The following ATXN7L1 variants were observed in gnomAD, a reference collection of about 807,000 sequenced individuals.
ATXN7L1 encodes the protein ataxin 7 like 1.
Under a neutral mutation model 70.8 loss-of-function variants are expected in ATXN7L1, and 15 were observed. The observed-to-expected ratio is 0.21, with a 90% CI of 0.14 to 0.33. The LOEUF (loss-of-function observed/expected upper bound fraction) is 0.33. ATXN7L1 is among the 10% of genes least tolerant of loss of function. The pLI is 1.00. For synonymous variants in ATXN7L1, 440 were observed against 445.1 expected, an observed-to-expected ratio of 0.99 and a Z score of 0.14; for missense variants, 975 against 1,097.1, an observed-to-expected ratio of 0.89 and a Z score of 1.57.
At chr7:105,613,782 G>A (rs1793410104) in intron 10 of ATXN7L1, 80 bp downstream of exon 10, 11 of 1,547,702 alleles carry the variant, frequency 7.1e-6, no homozygotes, top group South Asian at 1.2e-5. Context: ...ACCTGTCGGA[G>A]CCGCCCGGCT....
intron 3 of ATXN7L1, among the ~76,000 whole-genome samples, chr7:105,708,142 G>C (rs1448529504): frequency 6.6e-6 from 1 of 152,174 alleles, no homozygotes; most frequent in Non-Finnish European, 1.5e-5. Flanking sequence ...GAAGAAGGAG[G>C]AGAAAACTCC....
intron 2 of ATXN7L1, among the ~76,000 whole-genome samples, chr7:105,855,561 T>C (rs1369390473): frequency 2.0e-5 from 3 of 152,222 alleles, no homozygotes; most frequent in Non-Finnish European, 4.4e-5. Flanking sequence ...CATCACATAC[T>C]ACAAATCAGG....
At chr7:105,652,300 T>A (rs1476956490) in intron 4 of ATXN7L1, among the ~76,000 whole-genome samples, 2 of 152,040 alleles carry the variant, frequency 1.3e-5, no homozygotes, top group Non-Finnish European at 2.9e-5. Context: ...CCTCTGCAAA[T>A]GAGAACGAAG....
At position 105,749,726 on chromosome 7, in the gene ATXN7L1, T is replaced by C. The variant is rs574114925; in HGVS notation, c.355+38878A>G. ...AAAGTAGTAGACAGCATTAGGTTGA[T>C]TTCATCTGGGCAGCACCAGATCACT... On this transcript the variant is annotated intron_variant, in intron 3 of 11. Transcript: ENST00000419735. Among the ~76,000 whole-genome samples, 18 of 133,740 alleles carry C rather than the reference T, an allele frequency of 1.3e-4. 1 individual carries two copies. The highest frequency in any genetic ancestry group is 3.6e-3 in the Middle Eastern group (1 of 278). The allele number at this position is 133,740 out of a possible 152,430, so 87.7% of individuals were successfully genotyped here.
chr7:105,622,591 T>C (rs763809807), intron 8 of ATXN7L1, among the ~76,000 whole-genome samples: 2 of 152,224 alleles, frequency 1.3e-5, no homozygotes, highest in Non-Finnish European at 2.9e-5. Context: ...TTCTGATATC[T>C]GACACAGAGC....
chr7:105,869,802 T>A (rs1817981256), intron 2 of ATXN7L1, among the ~76,000 whole-genome samples: 1 of 149,972 alleles, frequency 6.7e-6, no homozygotes, highest in Admixed American at 6.7e-5. Context: ...TATTCAGGAC[T>A]TTTTTTTTTC....
chr7:105,648,408 C>T (rs1046958418), intron 4 of ATXN7L1, among the ~76,000 whole-genome samples: 3 of 152,168 alleles, frequency 2.0e-5, no homozygotes, highest in African/African-American at 7.2e-5. Flanking sequence ...CATCCTCTTC[C>T]CCAGTATACA....
At chr7:105,658,525 T>A (rs1801050495) in intron 4 of ATXN7L1, among the ~76,000 whole-genome samples, 1 of 49,400 alleles carries the variant, frequency 2.0e-5, no homozygotes, top group Admixed American at 1.6e-4. Context: ...GCACATAACT[T>A]TTTTTTTTTT....
chr7:105,692,411 T>TTCCTTCCTTCCCTCCC (rs1281163461), intron 3 of ATXN7L1, among the ~76,000 whole-genome samples: 5 of 119,414 alleles, frequency 4.2e-5, no homozygotes, highest in African/African-American at 9.4e-5. Context: ...CCTTCCTTCC[T>TTCCTTCCTTCCCTCCC]TCCTTCCTTC....
chr7:105,741,902 C>T (rs577863710), intron 3 of ATXN7L1, among the ~76,000 whole-genome samples: 3 of 152,278 alleles, frequency 2.0e-5, no homozygotes, highest in South Asian at 4.1e-4. Flanking sequence ...TTCCAGCAAA[C>T]CACCAGAAGC....
chr7:105,856,082 C>G (rs212421), intron 2 of ATXN7L1, among the ~76,000 whole-genome samples: 94,786 of 152,016 alleles, frequency 0.62, 29,991 homozygotes, highest in Admixed American at 0.68. Context: ...AAGAAAGTCA[C>G]GTCACTAACA....
intron 2 of ATXN7L1, among the ~76,000 whole-genome samples, chr7:105,838,631 C>T (rs1392959148): frequency 6.6e-6 from 1 of 152,156 alleles, no homozygotes; most frequent in Non-Finnish European, 1.5e-5. Flanking sequence ...TGGATCAGCC[C>T]AGTATCCAAC....
chr7:105,866,766 T>C (rs1328974846), intron 2 of ATXN7L1, among the ~76,000 whole-genome samples: 1 of 152,180 alleles, frequency 6.6e-6, no homozygotes, highest in Non-Finnish European at 1.5e-5. Flanking sequence ...TCTGAAAAAG[T>C]AGAACCCACT....
intron 4 of ATXN7L1, among the ~76,000 whole-genome samples, chr7:105,661,497 T>C (rs996634016): frequency 2.0e-5 from 3 of 152,150 alleles, no homozygotes; most frequent in African/African-American, 4.8e-5. Flanking sequence ...AATTTCAAAA[T>C]ATTCAGGCTT....
intron 3 of ATXN7L1, among the ~76,000 whole-genome samples, chr7:105,778,712 G>A (rs2116458465): frequency 6.6e-6 from 1 of 152,242 alleles, no homozygotes; most frequent in South Asian, 2.1e-4. Context: ...GAGTCTCATG[G>A]ATCTGCTCAT....
chr7:105,645,291 A>C lies in ATXN7L1; in HGVS notation c.579-2170T>G, dbSNP rs372997263. 2.6e-5 allele frequency among the ~76,000 whole-genome samples: 4 copies of C among 152,358 alleles called. 1 individual carries two copies. Among genetic ancestry groups the C allele is most frequent in the African/African-American group, 9.6e-5 (4 of 41,586 alleles). ...TTTACCACAATTAAAAATGTTTTAC[A>C]TGTACAAACTAAAAAAAAATGCAAA... On this transcript the variant is annotated intron_variant, in intron 4 of 11. Coordinates refer to ENST00000419735, the MANE Select transcript of ATXN7L1 (RefSeq NM_020725.2).
intron 3 of ATXN7L1, among the ~76,000 whole-genome samples, chr7:105,780,863 G>A (rs912980677): frequency 2.0e-5 from 3 of 152,192 alleles, no homozygotes; most frequent in African/African-American, 4.8e-5. Context: ...ACATGCGGCT[G>A]TGATTCCACA....
At chr7:105,760,599 C>T (rs749383939) in intron 3 of ATXN7L1, 5 of 976,284 alleles carry the variant, frequency 5.1e-6, no homozygotes, top group Non-Finnish European at 6.1e-6. Context: ...AGACTGAGTC[C>T]CCATCCTCAC....
At chr7:105,661,346 G>A (rs955032822) in intron 4 of ATXN7L1, among the ~76,000 whole-genome samples, 13 of 152,118 alleles carry the variant, frequency 8.5e-5, no homozygotes, top group African/African-American at 3.1e-4. Flanking sequence ...GGCCTAATAG[G>A]GTGGTATTGG....
Sources: gnomAD v4.1 joint callset for allele counts (sites outside exome capture counted in the v4.1 genomes callset) on GRCh38, gnomAD v4.1.1 for gene constraint, MANE v1.5 for transcripts, NCBI Gene and HGNC (gene_info 2026-07-23, HGNC 2026-07-21) for gene names.